Variants in GREB1 observed in about 807,000 individuals in gnomAD.
GREB1 encodes growth regulating estrogen receptor binding 1.
A neutral mutation model predicts 200.7 loss-of-function variants in GREB1; 106 were observed. The ratio of observed to expected loss-of-function variants is 0.53; its 90% CI spans 0.45 to 0.62. GREB1 has a LOEUF of 0.62. Ranked by LOEUF, GREB1 falls within the 20% of genes least tolerant of loss-of-function variation. The probability of loss-of-function intolerance (pLI) is 0.00; values close to 1 mark genes in which losing one functional copy is unlikely to be tolerated. For missense variants in GREB1, 2,243 were observed against 2,556.8 expected, an observed-to-expected ratio of 0.88 and a Z score of 2.65; for synonymous variants, 1,132 against 1,092.4, an observed-to-expected ratio of 1.04 and a Z score of -0.72.
At chr2:11,497,053 T>C (rs1380598918) in intron 1 of GREB1, among the ~76,000 whole-genome samples, 1 of 152,140 alleles carries the variant, frequency 6.6e-6, no homozygotes, top group African/African-American at 2.4e-5. Context: ...TGCCTTCGCC[T>C]CCCAAAGCAC....
At chr2:11,587,486 G>A in intron 9 of GREB1, 1 of 1,608,088 alleles carries the variant, frequency 6.2e-7, no homozygotes, top group Non-Finnish European at 8.5e-7. Context: ...CCTGGAATCA[G>A]AATCAGGCCC....
intron 2 of GREB1, among the ~76,000 whole-genome samples, chr2:11,559,194 TTTG>T (rs1162868440): frequency 6.6e-6 from 1 of 152,098 alleles, no homozygotes; most frequent in Non-Finnish European, 1.5e-5. Flanking sequence ...GTTCCTGTGT[TTTG>T]TTATTAGGAT....
intron 15 of GREB1, among the ~76,000 whole-genome samples, chr2:11,599,442 C>A (rs114889513): frequency 0.011 from 1,659 of 151,398 alleles, 31 homozygotes; most frequent in African/African-American, 0.039. Context: ...TGGGTTCATG[C>A]CATTCTCCCA....
Position 11,587,741 on chromosome 2 carries a change from A to ACACACACACACACACACACACGCG in GREB1, c.1160-1004_1160-1003insACACACACACACACACACACGCGC. 4.0e-4 allele frequency: 315 copies of ACACACACACACACACACACACGCG among 788,396 alleles called. 9 individuals carry two copies. Among genetic ancestry groups the ACACACACACACACACACACACGCG allele is most frequent in the East Asian group, 3.8e-3 (49 of 12,910 alleles). The allele number at this position is 788,396 out of a possible 1,614,324, so 48.8% of individuals were successfully genotyped here. On this transcript the variant is annotated intron_variant, in intron 9 of 32. Transcript: ENST00000381486. ...CACACACACACACACACACACACAC[A>ACACACACACACACACACACACGCG]CGCCACCTTTGGGAGCTCAGCAGCC...
rs70955803 is a variant in GREB1, at chr2:11,497,971, C to CTT, written c.-159+15630_-159+15631dup. Among the ~76,000 whole-genome samples the CTT allele has an allele frequency of 1.6e-3, 64 of 40,620 alleles. 14 individuals are homozygous for CTT. Among genetic ancestry groups the CTT allele is most frequent in the Non-Finnish European group, 2.2e-3 (48 of 22,154 alleles). The allele number at this position is 40,620 out of a possible 152,430, so 26.6% of individuals were successfully genotyped here. A position where few individuals can be genotyped will look rare whatever the true frequency, so the allele number is the denominator to read the frequency against. On this transcript the variant is annotated intron_variant, in intron 1 of 2. Transcript: ENST00000628795. ...TAACAGGGTCTTTTGCAGAGCAAAA[C>CTT]TTTTTTTTTTTTTTTTTTTTTTTTT... is the stretch of plus-strand genomic sequence containing the variant.
At chr2:11,610,378 A>G (rs1002428357) in intron 17 of GREB1, among the ~76,000 whole-genome samples, 3 of 152,318 alleles carry the variant, frequency 2.0e-5, no homozygotes, top group Middle Eastern at 6.8e-3. Context: ...AGGCATTTAT[A>G]CCATTTATTC....
chr2:11,637,503 G>T (rs1172616119), intron 30 of GREB1, among the ~76,000 whole-genome samples: 1 of 152,174 alleles, frequency 6.6e-6, no homozygotes, highest in Non-Finnish European at 1.5e-5. Flanking sequence ...TTACTGATTA[G>T]GGTGGTTCGT....
At chr2:11,525,527 G>A (rs73189361) in intron 1 of GREB1, among the ~76,000 whole-genome samples, 3,118 of 150,804 alleles carry the variant, frequency 0.021, 128 homozygotes, top group African/African-American at 0.072. Flanking sequence ...AGGCATTCAG[G>A]TCATATTCTC....
At chr2:11,578,492 T>C in intron 6 of GREB1, 61 bp downstream of exon 6, 1 of 1,548,788 alleles carries the variant, frequency 6.5e-7, no homozygotes, top group Non-Finnish European at 8.8e-7. Flanking sequence ...GTCTCCGATG[T>C]GTCCGGTTGA....
At chr2:11,486,912 T>G (rs1333437336) in intron 1 of GREB1, among the ~76,000 whole-genome samples, 1 of 152,010 alleles carries the variant, frequency 6.6e-6, no homozygotes, top group Non-Finnish European at 1.5e-5. Context: ...AATCTATGAT[T>G]TAGATATAGT....
chr2:11,487,898 C>T (rs1015458343), intron 1 of GREB1, among the ~76,000 whole-genome samples: 2 of 152,154 alleles, frequency 1.3e-5, no homozygotes, highest in Non-Finnish European at 2.9e-5. Flanking sequence ...AGGCGGTGGA[C>T]TGCCTGGGAG....
At chr2:11,589,200 C>T (rs901944448) in intron 10 of GREB1, among the ~76,000 whole-genome samples, 7 of 152,194 alleles carry the variant, frequency 4.6e-5, no homozygotes, top group Non-Finnish European at 8.8e-5. Context: ...TGAGCAAAGA[C>T]CCTGTCCTTG....
intron 23 of GREB1, among the ~76,000 whole-genome samples, chr2:11,624,117 C>T (rs955284892): frequency 1.3e-5 from 2 of 151,934 alleles, no homozygotes; most frequent in Non-Finnish European, 1.5e-5. Flanking sequence ...AGAAAAATAT[C>T]GTTTATAAAT....
intron 2 of GREB1, among the ~76,000 whole-genome samples, chr2:11,560,005 G>T (rs562507223): frequency 1.3e-5 from 2 of 152,174 alleles, no homozygotes; most frequent in African/African-American, 4.8e-5. Flanking sequence ...CCACAAGCCC[G>T]TTTGAAATGG....
chr2:11,593,174 C>T (rs771133836), intron 11 of GREB1, 48 bp downstream of exon 11: 3 of 1,293,620 alleles, frequency 2.3e-6, no homozygotes, highest in East Asian at 2.6e-5. Flanking sequence ...GAACGGTGTT[C>T]CCGGTCCCCT....
intron 5 of GREB1, among the ~76,000 whole-genome samples, chr2:11,577,218 A>G (rs1572775677): frequency 6.8e-6 from 1 of 146,846 alleles, no homozygotes; most frequent in African/African-American, 2.7e-5. Flanking sequence ...ATAACTCAAG[A>G]CAAGTTTGAT....
intron 5 of GREB1, among the ~76,000 whole-genome samples, chr2:11,577,080 G>A (rs1180599906): frequency 6.6e-6 from 1 of 152,002 alleles, no homozygotes; most frequent in African/African-American, 2.4e-5. Context: ...CGTTGACAGA[G>A]GGCCAGAGTG....
Position 11,618,867 on chromosome 2 carries a change from G to A in GREB1, c.3992G>A (p.Gly1331Asp), listed in dbSNP as rs374266771. 5 of 1,581,858 alleles carry A rather than the reference G, an allele frequency of 3.2e-6. No individual in the cohort carries two copies. Among genetic ancestry groups the A allele is most frequent in the Non-Finnish European group, 4.3e-6 (5 of 1,169,104 alleles). ...SHMDYGNRAE[G>D]RVDGFHPRRL... ...ATGGACTACGGCAACCGGGCCGAGGGCCGCGTGGACGGCTTCCACCCCCGC... is the reference window on the plus strand; with the variant it reads ...ATGGACTACGGCAACCGGGCCGAGGACCGCGTGGACGGCTTCCACCCCCGC... Residue 1331 changes from glycine to aspartate, a missense_variant, in exon 22 of 33, where the codon GGC becomes GAC. Coordinates refer to ENST00000381486, the MANE Select transcript of GREB1 (RefSeq NM_014668.4).
chr2:11,606,663 C>T (rs936336452), intron 17 of GREB1, among the ~76,000 whole-genome samples: 18 of 151,664 alleles, frequency 1.2e-4, no homozygotes, highest in African/African-American at 4.4e-4. Context: ...TGTGTTTAAA[C>T]TTCGTTTCTT....
Sources: allele counts gnomAD v4.1 joint callset (sites outside exome capture counted in the v4.1 genomes callset), GRCh38; gene constraint gnomAD v4.1.1; transcripts MANE v1.5; gene names NCBI Gene and HGNC (gene_info 2026-07-23, HGNC 2026-07-21).